Variants in DENND6A observed in about 807,000 individuals in gnomAD.
The protein encoded by DENND6A is protein DENND6A.
In DENND6A, 43 loss-of-function variants were observed where a neutral mutation model predicts 95.5. The ratio of observed to expected loss-of-function variants is 0.45; its 90% CI spans 0.35 to 0.58. DENND6A has a LOEUF of 0.58. Among genes scored for constraint, DENND6A ranks in the 20% least tolerant of loss-of-function variants. DENND6A has a pLI of 0.00. For missense variants in DENND6A, 574 were observed against 736.0 expected (o/e 0.78, Z 2.55); for synonymous variants, 257 against 260.4 (o/e 0.99, Z 0.13).
intron 1 of DENND6A, among the ~76,000 whole-genome samples, chr3:57,675,893 T>C (rs926576422): frequency 1.6e-4 from 25 of 152,206 alleles, no homozygotes; most frequent in Admixed American, 3.9e-4. Flanking sequence ...GCCTCTCTCA[T>C]GCCACCAATT....
chr3:57,673,669 C>A (rs1329734820), intron 1 of DENND6A, among the ~76,000 whole-genome samples: 9 of 152,164 alleles, frequency 5.9e-5, no homozygotes, highest in Admixed American at 6.6e-5. Flanking sequence ...TGCATGTCTG[C>A]ATCAAAATAT....
At chr3:57,635,903 A>G (rs955228005) in intron 12 of DENND6A, among the ~76,000 whole-genome samples, 3 of 152,098 alleles carry the variant, frequency 2.0e-5, no homozygotes, top group Non-Finnish European at 4.4e-5. Context: ...CAACCTACTC[A>G]GTGTGAAGGC....
At chr3:57,664,433 T>C (rs1207324051) in intron 4 of DENND6A, among the ~76,000 whole-genome samples, 1 of 152,180 alleles carries the variant, frequency 6.6e-6, no homozygotes, top group African/African-American at 2.4e-5. Context: ...CTTAAACAAA[T>C]ATATATTGAC....
At chr3:57,629,144 G>A (rs186390170) in intron 18 of DENND6A, among the ~76,000 whole-genome samples, 66 of 152,252 alleles carry the variant, frequency 4.3e-4, no homozygotes, top group Middle Eastern at 6.8e-3. Context: ...TTTAGATCAA[G>A]CAAGAAAAAC....
chr3:57,688,604 G>C (rs979500470), intron 1 of DENND6A, among the ~76,000 whole-genome samples: 1 of 151,856 alleles, frequency 6.6e-6, no homozygotes, highest in Non-Finnish European at 1.5e-5. Flanking sequence ...GCAGAGTAAC[G>C]GGGGAGCAGA....
At chr3:57,682,524 T>C (rs760813584) in intron 1 of DENND6A, among the ~76,000 whole-genome samples, 25 of 152,156 alleles carry the variant, frequency 1.6e-4, no homozygotes, top group Non-Finnish European at 3.1e-4. Flanking sequence ...TATTGCCTCT[T>C]TTTGTAATTT....
At chr3:57,667,535 G>A (rs2071543404) in intron 3 of DENND6A, among the ~76,000 whole-genome samples, 1 of 152,124 alleles carries the variant, frequency 6.6e-6, no homozygotes, top group African/African-American at 2.4e-5. Context: ...AAAACGTGAA[G>A]CTTCAAGAGC....
intron 9 of DENND6A, among the ~76,000 whole-genome samples, chr3:57,650,737 T>A (rs1335831156): frequency 6.6e-6 from 1 of 151,240 alleles, no homozygotes; most frequent in Admixed American, 6.6e-5. Flanking sequence ...CATCCAAACC[T>A]GCATCAAAAG....
intron 1 of DENND6A, among the ~76,000 whole-genome samples, chr3:57,673,041 C>T (rs771919459): frequency 2.0e-5 from 3 of 150,374 alleles, no homozygotes; most frequent in Non-Finnish European, 3.0e-5. Flanking sequence ...ATGATGAAAC[C>T]CCATCTCTAC....
chr3:57,635,088 C>T (rs945284224), intron 12 of DENND6A, among the ~76,000 whole-genome samples: 1 of 152,186 alleles, frequency 6.6e-6, no homozygotes, highest in South Asian at 2.1e-4. Flanking sequence ...ATGCCAAATA[C>T]ATAAAACTGA....
chr3:57,689,972 G>A (rs1006533692), intron 1 of DENND6A, among the ~76,000 whole-genome samples: 7 of 151,002 alleles, frequency 4.6e-5, no homozygotes, highest in African/African-American at 1.7e-4. Context: ...GATCCCTCGA[G>A]TTTAGGAGTT....
chr3:57,645,669 G>C lies in DENND6A; in HGVS notation c.1029C>G (p.Thr343=), dbSNP rs17853983. The change falls in exon 11 of 20, where the codon ACC becomes ACG. Residue 343 remains threonine, a synonymous_variant. Coordinates refer to ENST00000311128, the MANE Select transcript of DENND6A (RefSeq NM_152678.3). The part of the protein sequence containing the change: ...DSEFKEYTTR[T]QAPPSVILGV... ...AAGTTATTTTTACTTACGGAGCTTGGGTACGGGTAGTATATTCTTTGAATT... is the reference window on the plus strand; with the variant it reads ...AAGTTATTTTTACTTACGGAGCTTGCGTACGGGTAGTATATTCTTTGAATT... The C allele has an allele frequency of 3.1e-6, 5 of 1,610,066 alleles. No individual in the cohort carries two copies. The African/African-American group carries it at 6.7e-5, about 22-fold the overall frequency.
intron 9 of DENND6A, among the ~76,000 whole-genome samples, chr3:57,656,161 T>C (rs2071320960): frequency 6.6e-6 from 1 of 152,178 alleles, no homozygotes; most frequent in South Asian, 2.1e-4. Flanking sequence ...CCTCACGAAA[T>C]GCCCGCAGCC....
At position 57,693,029 on chromosome 3, in the gene DENND6A, C is replaced by T; in HGVS notation, c.-11G>A. On this transcript the variant is annotated 5_prime_UTR_variant, in exon 1 of 20. Transcript: ENST00000311128. ...GCCCCTCAAAGCCATCGGCCGCCCC[C>T]TGACCGTTCGCGCCGCCTCCACAGC... is the stretch of plus-strand genomic sequence containing the variant. 1 of 1,405,376 alleles carries T rather than the reference C, an allele frequency of 7.1e-7. No homozygotes were observed. Among genetic ancestry groups the T allele is most frequent in the Non-Finnish European group, 9.2e-7 (1 of 1,090,406 alleles). The allele number at this position is 1,405,376 out of a possible 1,614,324, so 87.1% of individuals were successfully genotyped here.
At chr3:57,662,567 T>TG (rs2153415680) in intron 5 of DENND6A, among the ~76,000 whole-genome samples, 1 of 152,268 alleles carries the variant, frequency 6.6e-6, no homozygotes, top group African/African-American at 2.4e-5. Flanking sequence ...GCTAAGATGT[T>TG]GCTAAAGTTT....
chr3:57,692,893 A>G lies in DENND6A; in HGVS notation c.126T>C (p.Asp42=), dbSNP rs1421987663. 3 of 1,577,680 alleles carry G rather than the reference A, an allele frequency of 1.9e-6. No individual in the cohort carries two copies. The Admixed American group carries it at 5.4e-5, about 28-fold the overall frequency. ...LVAAGGAPED[D]EEDDGRGRGL... is the part of the protein sequence containing the mutation. ...CCCGGCCACGGCCATCGTCCTCTTC[A>G]TCGTCCTCTGGCGCGCCTCCCGCCG... The change falls in exon 1 of 20, where the codon GAT becomes GAC. Residue 42 remains aspartate, a synonymous_variant. Transcript: ENST00000311128.
chr3:57,667,281 A>G (rs2071539057), intron 3 of DENND6A, among the ~76,000 whole-genome samples: 1 of 151,740 alleles, frequency 6.6e-6, no homozygotes, highest in Admixed American at 6.6e-5. Flanking sequence ...CTGCCTCCCA[A>G]AGTGCTAGGA....
chr3:57,635,517 A>G (rs1214607931), intron 12 of DENND6A, among the ~76,000 whole-genome samples: 1 of 152,230 alleles, frequency 6.6e-6, no homozygotes, highest in Non-Finnish European at 1.5e-5. Flanking sequence ...TCTTCTCTGC[A>G]TAAGGGTTAA....
At chr3:57,674,413 A>T (rs2071674808) in intron 1 of DENND6A, among the ~76,000 whole-genome samples, 1 of 150,532 alleles carries the variant, frequency 6.6e-6, no homozygotes, top group South Asian at 2.1e-4. Context: ...CAGGTGGATC[A>T]CAAGGTCAGG....
Sources: gnomAD v4.1 joint callset for allele counts (sites outside exome capture counted in the v4.1 genomes callset) on GRCh38, gnomAD v4.1.1 for gene constraint, MANE v1.5 for transcripts, NCBI Gene and HGNC (gene_info 2026-07-23, HGNC 2026-07-21) for gene names.